The following MCM6 variants were observed in gnomAD, a reference collection of about 807,000 sequenced individuals.
The protein encoded by MCM6 is DNA replication licensing factor MCM6.
A neutral mutation model predicts 94.3 loss-of-function variants in MCM6; 46 were observed. The observed-to-expected ratio is 0.49, with a 90% confidence interval of 0.39 to 0.62. The LOEUF (loss-of-function observed/expected upper bound fraction) is 0.62, where lower values mean the gene tolerates loss of function less well. Among genes scored for constraint, MCM6 ranks in the 20% least tolerant of loss-of-function variants. The pLI is 0.00. For synonymous variants in MCM6, 335 were observed against 351.9 expected, an observed-to-expected ratio of 0.95 and a Z score of 0.54; for missense variants, 865 against 1,017.9, an observed-to-expected ratio of 0.85 and a Z score of 2.04.
intron 9 of MCM6, 42 bp from the exon 10 acceptor site, chr2:135,858,046 C>G (rs1679924284): frequency 6.4e-7 from 1 of 1,555,018 alleles, no homozygotes; most frequent in African/African-American, 1.4e-5. Context: ...GTCTTTCAAG[C>G]TGGATGCATG....
At chr2:135,848,656 G>A (rs1283722507) in intron 13 of MCM6, among the ~76,000 whole-genome samples, 1 of 152,192 alleles carries the variant, frequency 6.6e-6, no homozygotes, top group Non-Finnish European at 1.5e-5. Flanking sequence ...GGCAGAGGCA[G>A]GCGGATCACC....
chr2:135,856,609 C>T, intron 11 of MCM6, 119 bp downstream of exon 11: 2 of 1,027,446 alleles, frequency 1.9e-6, no homozygotes, highest in Non-Finnish European at 2.8e-6. Context: ...CCTGTGCCAC[C>T]CTGAGGGAAA....
intron 8 of MCM6, among the ~76,000 whole-genome samples, chr2:135,862,380 A>C (rs1680013179): frequency 6.6e-6 from 1 of 151,518 alleles, no homozygotes; most frequent in African/African-American, 2.4e-5. Flanking sequence ...CAAAGATATT[A>C]TACAAAGACT....
intron 8 of MCM6, among the ~76,000 whole-genome samples, chr2:135,860,418 G>A (rs575281134): frequency 9.3e-4 from 142 of 152,320 alleles, no homozygotes; most frequent in African/African-American, 3.1e-3. Context: ...ACAGGCGTGA[G>A]CCACCGCGCC....
rs373634976 is a variant in MCM6, at chr2:135,844,527, G to A, written c.2349+18C>T. 7.4e-5 allele frequency: 109 copies of A among 1,477,702 alleles called. No homozygotes were observed. The highest frequency in any genetic ancestry group is 8.8e-5 in the Non-Finnish European group (98 of 1,113,340). The allele number at this position is 1,477,702 out of a possible 1,614,324, so 91.5% of individuals were successfully genotyped here. The stretch of plus-strand genomic sequence containing the variant: ...CCCTCCCTCCCTGATACCAGAGCAC[G>A]CGCACTTCTGCACCTACATAGTGTG... On this transcript the variant is annotated intron_variant, in intron 16 of 16. Coordinates refer to ENST00000264156, the MANE Select transcript of MCM6 (RefSeq NM_005915.6).
intron 1 of MCM6, among the ~76,000 whole-genome samples, chr2:135,874,588 G>GTAT (rs1680262934): frequency 1.3e-5 from 2 of 152,188 alleles, no homozygotes; most frequent in Admixed American, 6.5e-5. Flanking sequence ...TCCACTGAAT[G>GTAT]GATAAGCAAA....
In MCM6 at chr2:135,851,480, T is replaced by C. The variant is rs2105577084; in HGVS notation, c.1839A>G (p.Ser613=). 4 of 1,613,836 alleles carry C rather than the reference T, an allele frequency of 2.5e-6. No homozygotes were observed. Among genetic ancestry groups the C allele is most frequent in the Non-Finnish European group, 3.4e-6 (4 of 1,179,918 alleles). ...QRDGSGVTKS[S]WRITVRQLES... The stretch of plus-strand genomic sequence containing the variant: ...CAAGCTGTCGCACTGTAATCCTCCA[T>C]GAAGACTTGGTCACTCCAGAACCAT... The change falls in exon 13 of 17, where the codon TCA becomes TCG. Residue 613 remains serine, a synonymous_variant. Coordinates refer to ENST00000264156, the MANE Select transcript of MCM6 (RefSeq NM_005915.6).
In MCM6 at chr2:135,866,134, T is replaced by G. The variant is rs758798388; in HGVS notation, c.925A>C (p.Arg309=). The G allele has an allele frequency of 1.8e-5, 29 of 1,614,054 alleles. No homozygotes were observed. Among genetic ancestry groups the G allele is most frequent in the Non-Finnish European group, 2.5e-5 (29 of 1,180,008 alleles). ...CAAAAACCCCCAAAACGACTGACCC[T>G]TGGGTTGGTTGGCGCAACACAGCAG... The part of the protein sequence containing the change: ...LACCVAPTNP[R]FGGKELRDEE... The change falls in exon 6 of 17, where the codon AGG becomes CGG. Residue 309 remains arginine (R), a splice_region_variant and synonymous_variant. Transcript: ENST00000264156.
Position 135,840,574 on chromosome 2 carries a change from G to C in MCM6, c.*261C>G, listed in dbSNP as rs1679550269. On this transcript the variant is annotated 3_prime_UTR_variant, in exon 17 of 17. Transcript: ENST00000264156. ...TCTTACACATGAAAACAAAGGTATT[G>C]GTTATAGAGACTACACATTATTTGG... 2.7e-6 allele frequency: 1 copy of C among 376,934 alleles called. No homozygotes were observed. Among genetic ancestry groups the C allele is most frequent in the African/African-American group, 2.0e-5 (1 of 48,960 alleles). 23.3% of individuals were successfully genotyped at this position (376,934 alleles called of 1,614,324 possible). A position where few individuals can be genotyped will look rare whatever the true frequency, so the allele number is the denominator to read the frequency against.
In MCM6 at chr2:135,851,578, C is replaced by T. The variant is rs1181245294; in HGVS notation, c.1756-15G>A. 6.3e-7 allele frequency: 1 copy of T among 1,575,850 alleles called. No individual in the cohort carries two copies. ...TCTTTGGAAATCTGTTTCAGATCATCACTCAAGTTAGAGAAACATTTCTAT... is the reference window on the plus strand; with the variant it reads ...TCTTTGGAAATCTGTTTCAGATCATTACTCAAGTTAGAGAAACATTTCTAT... On this transcript the variant is annotated splice_polypyrimidine_tract_variant and intron_variant, in intron 12 of 16. Coordinates refer to ENST00000264156, the MANE Select transcript of MCM6 (RefSeq NM_005915.6).
At chr2:135,859,069 T>C (rs1679941529) in intron 9 of MCM6, among the ~76,000 whole-genome samples, 2 of 152,116 alleles carry the variant, frequency 1.3e-5, no homozygotes. Flanking sequence ...TTTTGTATTT[T>C]TAGTAGAGAA....
At chr2:135,876,221 C>A (rs1321550877) in intron 1 of MCM6, 38 bp downstream of exon 1, 2 of 1,525,962 alleles carry the variant, frequency 1.3e-6, no homozygotes, top group South Asian at 2.4e-5. Flanking sequence ...GCCGCAGGCT[C>A]CGGAGGCGGG....
chr2:135,870,218 G>T (rs778193664), intron 3 of MCM6, 33 bp downstream of exon 3: 10 of 1,522,008 alleles, frequency 6.6e-6, no homozygotes, highest in Non-Finnish European at 9.1e-6. Flanking sequence ...ACCATTTGGT[G>T]AATTCCTTTT....
At chr2:135,852,533 C>T (rs925887889) in intron 12 of MCM6, among the ~76,000 whole-genome samples, 1 of 152,060 alleles carries the variant, frequency 6.6e-6, no homozygotes, top group Admixed American at 6.5e-5. Flanking sequence ...ATCCAGTTAT[C>T]CAAAACTCTT....
At position 135,839,723 on chromosome 2, in the gene MCM6, A is replaced by C. The variant is rs1679532577; in HGVS notation, c.*1112T>G. On this transcript the variant is annotated 3_prime_UTR_variant, in exon 17 of 17. Transcript: ENST00000264156. ...TTTCATACAAGTTGATTCCAGGGAAAGAGATAATTATTGGGAGAAACATAT... is the reference window on the plus strand; with the variant it reads ...TTTCATACAAGTTGATTCCAGGGAACGAGATAATTATTGGGAGAAACATAT... 6.6e-6 allele frequency: 1 copy of C among 152,228 alleles called. No individual in the cohort carries two copies. Among genetic ancestry groups the C allele is most frequent in the Non-Finnish European group, 1.5e-5 (1 of 68,046 alleles). 9.4% of individuals were successfully genotyped at this position (152,228 alleles called of 1,614,324 possible).
chr2:135,845,158 C>T (rs1679646658), intron 15 of MCM6, among the ~76,000 whole-genome samples: 3 of 152,140 alleles, frequency 2.0e-5, no homozygotes. Context: ...TGAGTATTCA[C>T]TCAAAATAAA....
At chr2:135,848,842 G>C (rs1316463865) in intron 13 of MCM6, among the ~76,000 whole-genome samples, 1 of 152,064 alleles carries the variant, frequency 6.6e-6, no homozygotes, top group African/African-American at 2.4e-5. Flanking sequence ...CCGAGATTGT[G>C]ACACTGCACT....
intron 9 of MCM6, among the ~76,000 whole-genome samples, chr2:135,858,263 C>A (rs1679928153): frequency 6.6e-6 from 1 of 152,062 alleles, no homozygotes; most frequent in Non-Finnish European, 1.5e-5. Context: ...CTGAGGTGGG[C>A]TGATCATGAG....
chr2:135,842,855 T>C (rs1679599560), intron 16 of MCM6, among the ~76,000 whole-genome samples: 1 of 152,104 alleles, frequency 6.6e-6, no homozygotes, highest in Non-Finnish European at 1.5e-5. Flanking sequence ...GGGACAGGGG[T>C]TACACTGTAT....
Sources: gnomAD v4.1 joint callset for allele counts (sites outside exome capture counted in the v4.1 genomes callset) on GRCh38, gnomAD v4.1.1 for gene constraint, MANE v1.5 for transcripts, NCBI Gene and HGNC (gene_info 2026-07-23, HGNC 2026-07-21) for gene names.